The following COL22A1 variants were observed in gnomAD, a reference collection of about 807,000 sequenced individuals.
COL22A1 encodes the protein collagen alpha-1(XXII) chain.
A neutral mutation model predicts 248.9 loss-of-function variants in COL22A1; 221 were observed. The ratio of observed to expected loss-of-function variants is 0.89; its 90% CI spans 0.80 to 0.99. The LOEUF (loss-of-function observed/expected upper bound fraction) is 0.99. COL22A1 is among the 50% of genes least tolerant of loss of function. COL22A1 has a pLI of 0.00. For synonymous variants in COL22A1, 891 were observed against 793.4 expected (o/e 1.12, Z -2.07); for missense variants, 2,240 against 2,179.0 (o/e 1.03, Z -0.56).
Position 138,760,289 on chromosome 8 carries a change from T to C in COL22A1, c.1858-2A>G, listed in dbSNP as rs2131386320. On this transcript the variant is annotated splice_acceptor_variant, in intron 17 of 64. Transcript: ENST00000303045. LOFTEE classifies it high-confidence loss of function. The stretch of plus-strand genomic sequence containing the variant: ...CACACCAGAAGGGCCGGGCCTGCCC[T>C]GGAGGAAAGAAAGAAAAGGCAGATT... The C allele has an allele frequency of 6.3e-7, 1 of 1,598,566 alleles. No homozygotes were observed.
chr8:138,616,164 G>A, intron 54 of COL22A1, 110 bp from the exon 55 acceptor site: 1 of 889,138 alleles, frequency 1.1e-6, no homozygotes, highest in Non-Finnish European at 1.8e-6. Context: ...CAGGGGCCCT[G>A]TCAACTTCCA....
chr8:138,736,810 T>C (rs2131251365), intron 23 of COL22A1, among the ~76,000 whole-genome samples: 1 of 152,246 alleles, frequency 6.6e-6, no homozygotes, highest in Middle Eastern at 3.4e-3. Context: ...CCTCTGAGAC[T>C]GGGGCCCTAA....
At chr8:138,696,277 G>T (rs1032323082) in intron 32 of COL22A1, among the ~76,000 whole-genome samples, 4 of 152,130 alleles carry the variant, frequency 2.6e-5, no homozygotes, top group Admixed American at 6.5e-5. Context: ...GGGACATCGG[G>T]CTCCCCTGCC....
At chr8:138,858,736 G>A (rs1017200877) in intron 3 of COL22A1, among the ~76,000 whole-genome samples, 1 of 152,184 alleles carries the variant, frequency 6.6e-6, no homozygotes, top group Non-Finnish European at 1.5e-5. Context: ...CAGGCAGGCA[G>A]GAAAAACCAA....
At chr8:138,813,649 CT>C (rs1818438882) in intron 7 of COL22A1, among the ~76,000 whole-genome samples, 11 of 66,536 alleles carry the variant, frequency 1.7e-4, no homozygotes, top group Admixed American at 4.1e-4. Context: ...GCGTTTCGTT[CT>C]ACACTGAAGG....
intron 30 of COL22A1, 61 bp from the exon 31 acceptor site, chr8:138,703,408 C>T: frequency 6.8e-7 from 1 of 1,460,352 alleles, no homozygotes; most frequent in Non-Finnish European, 9.6e-7. Context: ...GCTTATGCTG[C>T]AACAGATCAG....
chr8:138,630,544 C>A, intron 50 of COL22A1, 151 bp downstream of exon 50: 1 of 694,410 alleles, frequency 1.4e-6, no homozygotes. Context: ...AACCCTCCAG[C>A]AGTTTCATTG....
chr8:138,716,406 G>T, intron 28 of COL22A1, 117 bp from the exon 29 acceptor site: 3 of 702,270 alleles, frequency 4.3e-6, no homozygotes, highest in Non-Finnish European at 7.2e-6. Context: ...TGGCTTAGTG[G>T]ACATCACATG....
intron 16 of COL22A1, among the ~76,000 whole-genome samples, chr8:138,768,191 T>C (rs1025315108): frequency 5.3e-5 from 8 of 152,136 alleles, no homozygotes; most frequent in Non-Finnish European, 1.0e-4. Context: ...ATCCTTCCTT[T>C]CCCAGCCCCC....
chr8:138,689,027 T>C, intron 36 of COL22A1, 57 bp from the exon 37 acceptor site: 1 of 1,427,984 alleles, frequency 7.0e-7, no homozygotes, highest in Non-Finnish European at 9.9e-7. Flanking sequence ...TCACTCTTGG[T>C]GGCTCGTGAC....
chr8:138,774,673 C>T (rs748107275), intron 16 of COL22A1, among the ~76,000 whole-genome samples: 1 of 152,188 alleles, frequency 6.6e-6, no homozygotes, highest in Non-Finnish European at 1.5e-5. Context: ...CCTGCCTCGG[C>T]CTCCCAAAGT....
At chr8:138,662,909 G>A (rs1824096291) in intron 42 of COL22A1, among the ~76,000 whole-genome samples, 1 of 151,702 alleles carries the variant, frequency 6.6e-6, no homozygotes, top group Admixed American at 6.6e-5. Flanking sequence ...CCAGCTACCG[G>A]GGAGGGCGAG....
chr8:138,665,652 C>G (rs974966561), intron 41 of COL22A1, among the ~76,000 whole-genome samples: 1 of 152,120 alleles, frequency 6.6e-6, no homozygotes, highest in Admixed American at 6.5e-5. Flanking sequence ...AGATAGATTC[C>G]CAAAGGACAC....
intron 56 of COL22A1, among the ~76,000 whole-genome samples, chr8:138,612,053 C>T (rs4243896): frequency 0.89 from 135,754 of 152,158 alleles, 60,870 homozygotes; most frequent in Middle Eastern, 0.95. Context: ...AAAGATAAAG[C>T]GTTGGGTACA....
At chr8:138,635,690 A>T (rs1821096506) in intron 48 of COL22A1, among the ~76,000 whole-genome samples, 1 of 152,206 alleles carries the variant, frequency 6.6e-6, no homozygotes, top group Non-Finnish European at 1.5e-5. Context: ...AACCACCAAG[A>T]AACAAATGAT....
At chr8:138,625,861 T>C (rs1191399324) in intron 51 of COL22A1, among the ~76,000 whole-genome samples, 3 of 152,184 alleles carry the variant, frequency 2.0e-5, no homozygotes, top group Non-Finnish European at 4.4e-5. Flanking sequence ...TATATATATA[T>C]GTGTGTGTGT....
chr8:138,712,734 T>C (rs1345081904), intron 30 of COL22A1, among the ~76,000 whole-genome samples: 1 of 151,914 alleles, frequency 6.6e-6, no homozygotes, highest in Admixed American at 6.6e-5. Context: ...ACAGGGCAAG[T>C]GTTCTACCAA....
intron 3 of COL22A1, among the ~76,000 whole-genome samples, chr8:138,846,346 C>T (rs968868083): frequency 6.6e-5 from 10 of 152,154 alleles, no homozygotes; most frequent in East Asian, 1.9e-4. Context: ...TGGAGGCTGG[C>T]GGCTGGACCT....
chr8:138,821,148 A>G lies in COL22A1; in HGVS notation c.1233T>C (p.Ser411=), dbSNP rs1232665658. 1.2e-6 allele frequency: 2 copies of G among 1,613,678 alleles called. No homozygotes were observed. The highest frequency in any genetic ancestry group is 2.7e-5 in the African/African-American group (2 of 74,910). Residue 411 remains serine, a synonymous_variant, in exon 7 of 65, where the codon AGT becomes AGC. Transcript: ENST00000303045. Reference sequence around the variant, plus strand: ...CCCTGGTACTCACGTCAATGGGCACACTGTCGTAGAGGCGCTTGCCAATCA... The same window carrying G: ...CCCTGGTACTCACGTCAATGGGCACGCTGTCGTAGAGGCGCTTGCCAATCA... ...KTVIGKRLYD[S]VPIDFDLQRI...
Sources: allele counts gnomAD v4.1 joint callset (sites outside exome capture counted in the v4.1 genomes callset), GRCh38; gene constraint gnomAD v4.1.1; transcripts MANE v1.5; gene names NCBI Gene and HGNC (gene_info 2026-07-23, HGNC 2026-07-21).